The following IPO13 variants were observed in gnomAD, a reference collection of about 807,000 sequenced individuals.
IPO13 encodes importin 13, also known as importin-13.
In IPO13, 28 loss-of-function variants were observed where a neutral mutation model predicts 115.5. That is an observed-to-expected ratio of 0.24 (90% CI 0.18 to 0.33). The LOEUF is 0.33. Among genes scored for constraint, IPO13 ranks in the 10% least tolerant of loss-of-function variants. IPO13 has a pLI of 1.00. For missense variants in IPO13, 785 were observed against 1,204.6 expected (o/e 0.65, Z 5.16); for synonymous variants, 414 against 478.9 (o/e 0.86, Z 1.77).
chr1:43,949,817 G>A lies in IPO13; in HGVS notation c.485G>A (p.Arg162His), dbSNP rs773307976. ...GACTCACCAGTGGATGGGCAGGGCCGCTGCCTAGCCCTGTTAGAGCTGCTG... is the reference window on the plus strand; with the variant it reads ...GACTCACCAGTGGATGGGCAGGGCCACTGCCTAGCCCTGTTAGAGCTGCTG... ...AEDSPVDGQG[R>H]CLALLELLTV... Residue 162 changes from arginine to histidine, a missense_variant, in exon 2 of 20, where the codon CGC becomes CAC. Transcript: ENST00000372343. The A allele has an allele frequency of 5.6e-6, 9 of 1,613,564 alleles. No individual in the cohort carries two copies. The highest frequency in any genetic ancestry group is 7.6e-6 in the Non-Finnish European group (9 of 1,179,884).
At chr1:43,949,040 A>G (rs1431328066) in intron 1 of IPO13, among the ~76,000 whole-genome samples, 3 of 152,194 alleles carry the variant, frequency 2.0e-5, no homozygotes, top group African/African-American at 7.2e-5. Context: ...AAGTCCCCTC[A>G]AGCTGTTCCA....
chr1:43,964,491 C>T (rs72684780), intron 15 of IPO13, among the ~76,000 whole-genome samples, 170 bp downstream of exon 15: 9,516 of 152,232 alleles, frequency 0.063, 378 homozygotes, highest in East Asian at 0.099. Context: ...CAACATCCTC[C>T]TTTAGTGCCC....
At position 43,947,436 on chromosome 1, in the gene IPO13, C is replaced by T; in HGVS notation, c.-165C>T. On this transcript the variant is annotated 5_prime_UTR_variant, in exon 1 of 20. Transcript: ENST00000372343. ...TTTTGGTCTCTGGCAAGCCTCCCAC[C>T]CCCAAACGAGGTGGGGAGGCCTCGG... is the stretch of plus-strand genomic sequence containing the variant. 2.5e-6 allele frequency: 1 copy of T among 405,658 alleles called. No individual in the cohort carries two copies. Among genetic ancestry groups the T allele is most frequent in the Non-Finnish European group, 4.3e-6 (1 of 231,172 alleles). The allele number at this position is 405,658 out of a possible 1,614,324, so 25.1% of individuals were successfully genotyped here.
Position 43,961,146 on chromosome 1 carries a change from C to T in IPO13, c.2248-20C>T. 6.2e-7 allele frequency: 1 copy of T among 1,611,200 alleles called. No individual in the cohort carries two copies. The highest frequency in any genetic ancestry group is 8.5e-7 in the Non-Finnish European group (1 of 1,177,294). ...GTGAGACTGGGTCTCAGCTGACCAG[C>T]ATTCCCTGCTTTCTCGTAGCTGGTC... is the stretch of plus-strand genomic sequence containing the variant. On this transcript the variant is annotated intron_variant, in intron 13 of 19. Transcript: ENST00000372343.
intron 7 of IPO13, 54 bp downstream of exon 7, chr1:43,957,603 C>G: frequency 1.3e-6 from 2 of 1,597,772 alleles, no homozygotes; most frequent in East Asian, 4.5e-5. Context: ...GCACCCAACC[C>G]TGGCCACAGC....
chr1:43,961,046 C>A lies in IPO13; in HGVS notation c.2247+33C>A, dbSNP rs750627794. The A allele has an allele frequency of 6.8e-6, 11 of 1,612,780 alleles. No homozygotes were observed. In the East Asian group the frequency reaches 2.2e-4, roughly 33 times the overall value. On this transcript the variant is annotated intron_variant, in intron 13 of 19. Coordinates refer to ENST00000372343, the MANE Select transcript of IPO13 (RefSeq NM_014652.4). ...TTCTGGTTGGGGCAGAGATCCTGACCCTGGGTGGGGGTGGGTCAGATGGCT... is the reference window on the plus strand; with the variant it reads ...TTCTGGTTGGGGCAGAGATCCTGACACTGGGTGGGGGTGGGTCAGATGGCT...
chr1:43,955,091 CA>C (rs1175128597), intron 2 of IPO13, among the ~76,000 whole-genome samples: 1 of 152,152 alleles, frequency 6.6e-6, no homozygotes, highest in Non-Finnish European at 1.5e-5. Context: ...TCCTCATATC[CA>C]GTCAGTCATC....
chr1:43,963,087 C>T (rs996784686), intron 14 of IPO13, among the ~76,000 whole-genome samples: 3 of 152,214 alleles, frequency 2.0e-5, no homozygotes, highest in Admixed American at 2.0e-4. Context: ...GGTTCAGATA[C>T]CAAAGGGACA....
rs5773817 is a variant in IPO13 at position 43,956,005 on chromosome 1, CAAAAA to C, written c.822-297_822-293del. Among the ~76,000 whole-genome samples, 6 of 113,894 alleles carry C rather than the reference CAAAAA, an allele frequency of 5.3e-5. No individual in the cohort carries two copies. Among genetic ancestry groups the C allele is most frequent in the Non-Finnish European group, 6.9e-5 (4 of 57,902 alleles). 74.7% of individuals were successfully genotyped at this position (113,894 alleles called of 152,430 possible). ...TGGGTAACACAGCAAAACCCCATCT[CAAAAA>C]AAAAAAAAAAAAAAAAATCTTAACC... On this transcript the variant is annotated intron_variant, in intron 2 of 19. Transcript: ENST00000372343. This position sits in a 1 kb window ranked among gnomAD's most constrained non-coding sequence, Gnocchi z 4.7.
Position 43,949,403 on chromosome 1 carries a change from G to C in IPO13, c.85-14G>C. Reference sequence around the variant, plus strand: ...GAGTGGCCAGCACCTGCTCAGTCCTGTGCTGTCCTGCAGGCGCTGCACCAG... The same window carrying C: ...GAGTGGCCAGCACCTGCTCAGTCCTCTGCTGTCCTGCAGGCGCTGCACCAG... On this transcript the variant is annotated splice_polypyrimidine_tract_variant and intron_variant, in intron 1 of 19. Transcript: ENST00000372343. 1 of 1,584,272 alleles carries C rather than the reference G, an allele frequency of 6.3e-7. No homozygotes were observed. The highest frequency in any genetic ancestry group is 1.2e-5 in the South Asian group (1 of 86,072).
At position 43,957,128 on chromosome 1, in the gene IPO13, C is replaced by T. The variant is rs137908194; in HGVS notation, c.1272-67C>T. ...GTTGTGGGGGTACTGGGGTAGGCTC[C>T]TGGGCTTGGGGGCAGGATCCAGGGT... On this transcript the variant is annotated intron_variant, in intron 5 of 19. Coordinates refer to ENST00000372343, the MANE Select transcript of IPO13 (RefSeq NM_014652.4). The T allele has an allele frequency of 7.2e-5, 114 of 1,589,102 alleles. No homozygotes were observed. The African/African-American group carries it at 1.1e-3, about 16-fold the overall frequency.
At chr1:43,957,844 T>C in intron 7 of IPO13, 133 bp from the exon 8 acceptor site, 7 of 852,034 alleles carry the variant, frequency 8.2e-6, no homozygotes, top group Non-Finnish European at 1.3e-5. Flanking sequence ...CATGCATATG[T>C]CCTCTGAATG....
chr1:43,957,342 C>T, intron 6 of IPO13, 27 bp downstream of exon 6: 1 of 1,613,290 alleles, frequency 6.2e-7, no homozygotes, highest in South Asian at 1.1e-5. Context: ...ATTCCCTCAG[C>T]CTTCCCAGAC....
chr1:43,949,335 C>T (rs1360320064), intron 1 of IPO13, 82 bp from the exon 2 acceptor site: 8 of 1,446,150 alleles, frequency 5.5e-6, no homozygotes, highest in Admixed American at 4.7e-5. Context: ...AGCAGCCTTG[C>T]AGGACCAAGT....
Position 43,958,836 on chromosome 1 carries a change from G to A in IPO13, c.1975G>A (p.Asp659Asn). The A allele has an allele frequency of 6.2e-7, 1 of 1,614,044 alleles. No individual in the cohort carries two copies. Among genetic ancestry groups the A allele is most frequent in the Non-Finnish European group, 8.5e-7 (1 of 1,179,946 alleles). Residue 659 changes from aspartate to asparagine, a missense_variant, in exon 11 of 20, where the codon GAT becomes AAT. Transcript: ENST00000372343. This position sits in a 1 kb window ranked among gnomAD's most constrained non-coding sequence, Gnocchi z 6.3. The part of the protein sequence containing the change: ...TTLDISHHED[D>N]HEGPELRKLP... Reference sequence around the variant, plus strand: ...ACTGGACATCAGTCATCATGAGGATGATCATGAAGGCCCTGAGCTTCGGAA... The same window carrying A: ...ACTGGACATCAGTCATCATGAGGATAATCATGAAGGCCCTGAGCTTCGGAA...
chr1:43,958,172 C>T lies in IPO13; in HGVS notation c.1722+14C>T. 6.2e-7 allele frequency: 1 copy of T among 1,614,140 alleles called. No individual in the cohort carries two copies. The highest frequency in any genetic ancestry group is 8.5e-7 in the Non-Finnish European group (1 of 1,180,002). ...GCTGTGTCCCAGGTATGCAGGGGCCCTGGATGGTGCTGGGCCTCAGAGCAC... is the reference window on the plus strand; with the variant it reads ...GCTGTGTCCCAGGTATGCAGGGGCCTTGGATGGTGCTGGGCCTCAGAGCAC... On this transcript the variant is annotated intron_variant, in intron 8 of 19. Transcript: ENST00000372343. This position sits in a 1 kb window ranked among gnomAD's most constrained non-coding sequence, Gnocchi z 6.3.
Position 43,961,020 on chromosome 1 carries a change from C to T in IPO13, c.2247+7C>T, listed in dbSNP as rs1444563388. 1 of 1,613,892 alleles carries T rather than the reference C, an allele frequency of 6.2e-7. No homozygotes were observed. The highest frequency in any genetic ancestry group is 1.3e-5 in the African/African-American group (1 of 74,910). ...TCTTGACCTCACTCGACAGGTGGGCCTTCTGGTTGGGGCAGAGATCCTGAC... is the reference window on the plus strand; with the variant it reads ...TCTTGACCTCACTCGACAGGTGGGCTTTCTGGTTGGGGCAGAGATCCTGAC... On this transcript the variant is annotated splice_region_variant and intron_variant, in intron 13 of 19. Coordinates refer to ENST00000372343, the MANE Select transcript of IPO13 (RefSeq NM_014652.4).
chr1:43,966,458 T>G lies in IPO13; in HGVS notation c.2398-117T>G. The G allele has an allele frequency of 9.8e-7, 1 of 1,021,920 alleles. No homozygotes were observed. The allele number at this position is 1,021,920 out of a possible 1,614,324, so 63.3% of individuals were successfully genotyped here. Reference sequence around the variant, plus strand: ...GGTCCCCCAGAGATGGCTGGGTAGCTGGTTTTGGCAGCCTCTACCTGTGAG... The same window carrying G: ...GGTCCCCCAGAGATGGCTGGGTAGCGGGTTTTGGCAGCCTCTACCTGTGAG... On this transcript the variant is annotated intron_variant, in intron 15 of 19. Transcript: ENST00000372343. This position sits in a 1 kb window ranked among gnomAD's most constrained non-coding sequence, Gnocchi z 4.1.
At position 43,967,707 on chromosome 1, in the gene IPO13, C is replaced by T; in HGVS notation, c.*25C>T. On this transcript the variant is annotated 3_prime_UTR_variant, in exon 20 of 20. Coordinates refer to ENST00000372343, the MANE Select transcript of IPO13 (RefSeq NM_014652.4). This position sits in a 1 kb window ranked among gnomAD's most constrained non-coding sequence, Gnocchi z 6.1. ...AGGGGTGCCCCCATCCCATCCACCC[C>T]TTCTCTTCATCCTTCCCTATTCCCA... 2.5e-6 allele frequency: 4 copies of T among 1,598,700 alleles called. No homozygotes were observed. The highest frequency in any genetic ancestry group is 3.4e-6 in the Non-Finnish European group (4 of 1,166,118).
Sources: allele counts gnomAD v4.1 joint callset (sites outside exome capture counted in the v4.1 genomes callset), GRCh38; gene constraint gnomAD v4.1.1; non-coding constraint Gnocchi (gnomAD v3.1); transcripts MANE v1.5; gene names NCBI Gene and HGNC (gene_info 2026-07-23, HGNC 2026-07-21).